The following PHACTR3 variants were observed in gnomAD, a reference collection of about 807,000 sequenced individuals.
PHACTR3 encodes the protein protein phosphatase 1, regulatory subunit 123.
A neutral mutation model predicts 66.8 loss-of-function variants in PHACTR3; 16 were observed. The ratio of observed to expected loss-of-function variants is 0.24; its 90% CI spans 0.16 to 0.36. PHACTR3 has a LOEUF of 0.36. PHACTR3 is among the 10% of genes least tolerant of loss of function. PHACTR3 has a pLI of 1.00. For missense variants in PHACTR3, 647 were observed against 719.9 expected, an observed-to-expected ratio of 0.90 and a Z score of 1.16; for synonymous variants, 323 against 292.1, an observed-to-expected ratio of 1.11 and a Z score of -1.08.
chr20:59,755,696 G>A (rs1601279447), intron 4 of PHACTR3, among the ~76,000 whole-genome samples: 1 of 152,312 alleles, frequency 6.6e-6, no homozygotes, highest in South Asian at 2.1e-4. Context: ...CTCTGGAGGG[G>A]CAAGTGCCCA....
chr20:59,769,941 C>T (rs1170264866), intron 5 of PHACTR3, among the ~76,000 whole-genome samples: 2 of 152,162 alleles, frequency 1.3e-5, no homozygotes, highest in Non-Finnish European at 2.9e-5. Flanking sequence ...CTCCCTTTTT[C>T]CTCCATTGAA....
chr20:59,633,608 T>C (rs764297536), intron 1 of PHACTR3, among the ~76,000 whole-genome samples: 2 of 152,184 alleles, frequency 1.3e-5, no homozygotes, highest in Non-Finnish European at 2.9e-5. Context: ...TGCATATGTA[T>C]CCCGCTTTTC....
intron 7 of PHACTR3, among the ~76,000 whole-genome samples, chr20:59,790,679 T>G (rs2146954907): frequency 1.3e-5 from 2 of 152,348 alleles, no homozygotes; most frequent in South Asian, 4.1e-4. Flanking sequence ...AACAGCATAT[T>G]GCAAAGTAGT....
chr20:59,664,078 C>A (rs2035907646), intron 1 of PHACTR3, among the ~76,000 whole-genome samples: 1 of 152,148 alleles, frequency 6.6e-6, no homozygotes, highest in Non-Finnish European at 1.5e-5. Flanking sequence ...CCACACTTAA[C>A]TGTAAGTTCT....
chr20:59,588,856 C>T (rs1015692763), intron 1 of PHACTR3, among the ~76,000 whole-genome samples: 2 of 152,258 alleles, frequency 1.3e-5, no homozygotes, highest in Non-Finnish European at 2.9e-5. Context: ...GGACACTCCT[C>T]CAGCCTGGCA....
intron 1 of PHACTR3, among the ~76,000 whole-genome samples, chr20:59,742,121 G>A (rs2039184082): frequency 6.6e-6 from 1 of 152,218 alleles, no homozygotes; most frequent in Non-Finnish European, 1.5e-5. Flanking sequence ...ACCAGTGTGT[G>A]CCTGTATACC....
chr20:59,694,690 T>A (rs891592549), intron 1 of PHACTR3, among the ~76,000 whole-genome samples: 1 of 152,198 alleles, frequency 6.6e-6, no homozygotes, highest in Admixed American at 6.5e-5. Context: ...AGCACCTACC[T>A]GGCTTATAAT....
chr20:59,835,545 CCT>C (rs776536000), intron 8 of PHACTR3, among the ~76,000 whole-genome samples: 7 of 152,084 alleles, frequency 4.6e-5, no homozygotes, highest in Non-Finnish European at 1.0e-4. Context: ...AATACTGGGC[CCT>C]GTTGTCTCCC....
At chr20:59,811,657 G>A (rs1353304006) in intron 8 of PHACTR3, among the ~76,000 whole-genome samples, 1 of 151,720 alleles carries the variant, frequency 6.6e-6, no homozygotes, top group African/African-American at 2.4e-5. Context: ...AAGACAGGGG[G>A]GTTGGGGGTG....
At chr20:59,799,457 C>T (rs2041350010) in intron 7 of PHACTR3, among the ~76,000 whole-genome samples, 1 of 152,124 alleles carries the variant, frequency 6.6e-6, no homozygotes, top group South Asian at 2.1e-4. Context: ...TTAAAGCTCA[C>T]ATAGGTTTGT....
chr20:59,755,629 C>T (rs1601279219), intron 4 of PHACTR3, among the ~76,000 whole-genome samples: 1 of 13,008 alleles, frequency 7.7e-5, no homozygotes, highest in African/African-American at 1.7e-4. Flanking sequence ...GGCACACCTA[C>T]CCCCCCTCCC....
chr20:59,706,813 C>G (rs553682059), intron 1 of PHACTR3, among the ~76,000 whole-genome samples: 1 of 152,262 alleles, frequency 6.6e-6, no homozygotes, highest in East Asian at 1.9e-4. Context: ...CCATGCCCAG[C>G]CTGGTTCCCT....
At chr20:59,670,605 T>TTGGGG (rs34824435) in intron 1 of PHACTR3, among the ~76,000 whole-genome samples, 1,979 of 46,944 alleles carry the variant, frequency 0.042, 174 homozygotes, top group East Asian at 0.19. Flanking sequence ...CTGCCGGGGG[T>TTGGGG]GGGGGGGGGG....
At position 59,707,996 on chromosome 20, in the gene PHACTR3, C is replaced by T. The variant is rs1601153875; in HGVS notation, c.119-35111C>T. Among the ~76,000 whole-genome samples, 4 of 152,316 alleles carry T rather than the reference C, an allele frequency of 2.6e-5. No homozygotes were observed. In the East Asian group the frequency reaches 7.7e-4, roughly 29 times the overall value. On this transcript the variant is annotated intron_variant, in intron 1 of 12. Transcript: ENST00000371015. ...GGGAAAACACATATTTTAAATTTTC[C>T]TAACAGTTCCAGAAAAAGTCCTGGA...
At chr20:59,621,215 G>A (rs1218259166) in intron 1 of PHACTR3, among the ~76,000 whole-genome samples, 1 of 152,214 alleles carries the variant, frequency 6.6e-6, no homozygotes, top group Non-Finnish European at 1.5e-5. Context: ...GCCTGCTTCC[G>A]CCTCATCCTT....
At chr20:59,678,973 C>T (rs1235116358) in intron 1 of PHACTR3, among the ~76,000 whole-genome samples, 4 of 150,984 alleles carry the variant, frequency 2.6e-5, no homozygotes, top group African/African-American at 9.7e-5. Context: ...GGTGGGGGGG[C>T]AAGTAATTTG....
rs148927420 is a variant in PHACTR3 at position 59,612,269 on chromosome 20, G to A, written c.118+7137G>A. 2.5e-3 allele frequency among the ~76,000 whole-genome samples: 382 copies of A among 152,260 alleles called. 1 individual carries two copies. Among genetic ancestry groups the A allele is most frequent in the Non-Finnish European group, 4.3e-3 (294 of 68,022 alleles). Reference sequence around the variant, plus strand: ...CAGCGTCTGCAGGGCCGGGACTTCCGCTGTGGGAGGGTCAGGGTGTGTGCC... The same window carrying A: ...CAGCGTCTGCAGGGCCGGGACTTCCACTGTGGGAGGGTCAGGGTGTGTGCC... On this transcript the variant is annotated intron_variant, in intron 1 of 12. Transcript: ENST00000371015.
At chr20:59,691,793 A>G (rs1409542249) in intron 1 of PHACTR3, among the ~76,000 whole-genome samples, 2 of 152,176 alleles carry the variant, frequency 1.3e-5, no homozygotes, top group African/African-American at 4.8e-5. Flanking sequence ...ATATGATTTT[A>G]TCAAAGTGAT....
intron 7 of PHACTR3, among the ~76,000 whole-genome samples, chr20:59,802,316 T>C (rs1052563942): frequency 6.6e-6 from 1 of 152,002 alleles, no homozygotes; most frequent in Non-Finnish European, 1.5e-5. Flanking sequence ...GGTTTGAGGA[T>C]TGGGTCCTGG....
Sources: gnomAD v4.1 joint callset for allele counts (sites outside exome capture counted in the v4.1 genomes callset) on GRCh38, gnomAD v4.1.1 for gene constraint, MANE v1.5 for transcripts, NCBI Gene and HGNC (gene_info 2026-07-23, HGNC 2026-07-21) for gene names.